Variants in AFG2A observed in about 807,000 individuals in gnomAD.
The protein encoded by AFG2A is AAA ATPase AFG2A.
the AFG2A span, among the ~76,000 whole-genome samples, chr4:123,227,593 T>A: frequency 6.6e-6 from 1 of 152,196 alleles, no homozygotes; most frequent in African/African-American, 2.4e-5. Context: ...TTATAATTTC[T>A]GTTCTTTTAC....
At chr4:123,013,457 T>G in the AFG2A span, among the ~76,000 whole-genome samples, 1 of 152,156 alleles carries the variant, frequency 6.6e-6, no homozygotes, top group South Asian at 2.1e-4. Context: ...CTAGGATACG[T>G]GTACAGAATG....
chr4:123,143,191 AAG>A, the AFG2A span, among the ~76,000 whole-genome samples: 11 of 151,096 alleles, frequency 7.3e-5, no homozygotes, highest in African/African-American at 2.7e-4. Context: ...AGAAAAAAAA[AAG>A]AAAGATTATC....
the AFG2A span, among the ~76,000 whole-genome samples, chr4:123,055,932 C>T: frequency 2.0e-5 from 3 of 152,138 alleles, no homozygotes; most frequent in Admixed American, 6.5e-5. Flanking sequence ...GTGTTTCTTA[C>T]AATATTTGAT....
the AFG2A span, among the ~76,000 whole-genome samples, chr4:123,288,408 T>C: frequency 2.0e-5 from 3 of 152,168 alleles, no homozygotes; most frequent in Non-Finnish European, 2.9e-5. Flanking sequence ...GCAGCACAGA[T>C]ACTTCATCTA....
At chr4:122,946,126 T>G in the AFG2A span, among the ~76,000 whole-genome samples, 1 of 152,212 alleles carries the variant, frequency 6.6e-6, no homozygotes, top group African/African-American at 2.4e-5. Flanking sequence ...AGTGTCCTAG[T>G]TTGTCCATTT....
chr4:123,042,251 G>A, the AFG2A span, among the ~76,000 whole-genome samples: 1 of 152,144 alleles, frequency 6.6e-6, no homozygotes, highest in African/African-American at 2.4e-5. Context: ...CAAGATCAAA[G>A]TGCTGGCAGA....
chr4:123,235,344 G>A, the AFG2A span, among the ~76,000 whole-genome samples: 1 of 152,074 alleles, frequency 6.6e-6, no homozygotes, highest in Non-Finnish European at 1.5e-5. Context: ...ATTAAAAAAT[G>A]GGGGAAAAGT....
chr4:123,304,963 T>C, the AFG2A span, among the ~76,000 whole-genome samples: 1 of 152,226 alleles, frequency 6.6e-6, no homozygotes, highest in Non-Finnish European at 1.5e-5. Flanking sequence ...GTGTGTACTC[T>C]TAAATTACAA....
chr4:123,171,343 A>G, the AFG2A span, among the ~76,000 whole-genome samples: 3 of 152,166 alleles, frequency 2.0e-5, no homozygotes, highest in Admixed American at 2.0e-4. Flanking sequence ...ATAAATATAC[A>G]TTTGTTCTAT....
At chr4:123,192,682 C>G in the AFG2A span, among the ~76,000 whole-genome samples, 1 of 152,196 alleles carries the variant, frequency 6.6e-6, no homozygotes, top group Non-Finnish European at 1.5e-5. Context: ...GGACTCTCCT[C>G]TTAGCGGGCT....
chr4:123,094,978 T>G, the AFG2A span, among the ~76,000 whole-genome samples: 8 of 141,838 alleles, frequency 5.6e-5, no homozygotes, highest in African/African-American at 2.1e-4. Context: ...AGGACAAGAA[T>G]CCACCATGCA....
chr4:123,188,368 A>C, the AFG2A span, among the ~76,000 whole-genome samples: 2 of 152,122 alleles, frequency 1.3e-5, no homozygotes, highest in Non-Finnish European at 2.9e-5. Context: ...GTAAATATCT[A>C]TATTCTTAAA....
At chr4:123,014,786 A>G in the AFG2A span, among the ~76,000 whole-genome samples, 2 of 152,176 alleles carry the variant, frequency 1.3e-5, no homozygotes, top group African/African-American at 4.8e-5. Flanking sequence ...TATGACATCT[A>G]TGAACATCTG....
chr4:123,090,470 A>G, the AFG2A span: 2 of 1,269,114 alleles, frequency 1.6e-6, no homozygotes, highest in African/African-American at 3.0e-5. Context: ...TCATATTTGA[A>G]AATAGACATG....
the AFG2A span, among the ~76,000 whole-genome samples, chr4:123,151,191 G>T: frequency 6.6e-6 from 1 of 152,052 alleles, no homozygotes; most frequent in South Asian, 2.1e-4. Flanking sequence ...AGGCATTACC[G>T]TTCAGGAAGT....
the AFG2A span, among the ~76,000 whole-genome samples, chr4:123,202,023 TAGGAC>T: frequency 6.6e-6 from 1 of 152,226 alleles, no homozygotes; most frequent in Admixed American, 6.5e-5. Context: ...AAAAATGTAA[TAGGAC>T]TGCTAATGCC....
At chr4:123,223,180 C>A in the AFG2A span, among the ~76,000 whole-genome samples, 8 of 152,130 alleles carry the variant, frequency 5.3e-5, no homozygotes, top group African/African-American at 1.7e-4. Flanking sequence ...TCCAGTTTTT[C>A]CACATCCTCA....
the AFG2A span, among the ~76,000 whole-genome samples, chr4:123,165,887 T>C: frequency 1.3e-5 from 2 of 152,210 alleles, no homozygotes; most frequent in Admixed American, 6.5e-5. Flanking sequence ...TAGTAAGCTG[T>C]GAACTTTGGC....
the AFG2A span, among the ~76,000 whole-genome samples, chr4:123,017,212 A>G: frequency 2.0e-5 from 2 of 102,214 alleles, no homozygotes; most frequent in African/African-American, 4.1e-5. Context: ...AGGGAGAGAG[A>G]GAGGGAGAGG....
Sources: allele counts gnomAD v4.1 joint callset (sites outside exome capture counted in the v4.1 genomes callset), GRCh38; gene constraint gnomAD v4.1.1; transcripts MANE v1.5; gene names NCBI Gene and HGNC (gene_info 2026-07-23, HGNC 2026-07-21).